CILP2: variants seen among roughly 807,000 people sequenced by gnomAD.
CILP2 encodes the protein cartilage intermediate layer protein 2.
In CILP2, 38 loss-of-function variants were observed where a neutral mutation model predicts 45.6. The ratio of observed to expected loss-of-function variants is 0.83; its 90% confidence interval spans 0.64 to 1.09. CILP2 has a LOEUF of 1.09. CILP2 is among the 50% of genes least tolerant of loss of function. CILP2 has a pLI of 0.00. For synonymous variants in CILP2, 780 were observed against 723.5 expected, an observed-to-expected ratio of 1.08 and a Z score of -1.25; for missense variants, 1,735 against 1,662.2, an observed-to-expected ratio of 1.04 and a Z score of -0.76.
In CILP2 at chr19:19,545,847, C is replaced by G; in HGVS notation, c.3302C>G (p.Thr1101Ser). The G allele has an allele frequency of 6.3e-7, 1 of 1,585,290 alleles. No individual in the cohort carries two copies. Among genetic ancestry groups the G allele is most frequent in the Non-Finnish European group, 8.6e-7 (1 of 1,160,490 alleles). ...AAGGCTGATGCCGGCACAGCCGTCA[C>G]CTTCCAGTGCCGGGAGCCACCGGCC... ...EMKADAGTAV[T>S]FQCREPPAGR... The change falls in exon 8 of 8, where the codon ACC becomes AGC. Residue 1101 changes from threonine to serine, a missense_variant. Coordinates refer to ENST00000291495, the MANE Select transcript of CILP2 (RefSeq NM_153221.2).
At position 19,540,659 on chromosome 19, in the gene CILP2, G is replaced by A; in HGVS notation, c.436+183G>A. 4 of 730,830 alleles carry A rather than the reference G, an allele frequency of 5.5e-6. 1 individual carries two copies. In the East Asian group the frequency reaches 1.3e-4, roughly 24 times the overall value. The allele number at this position is 730,830 out of a possible 1,614,324, so 45.3% of individuals were successfully genotyped here. On this transcript the variant is annotated intron_variant, in intron 3 of 7. Coordinates refer to ENST00000291495, the MANE Select transcript of CILP2 (RefSeq NM_153221.2). ...AGGGGGCGGGGCCAGGCAGGGCGGG[G>A]CTTTTGAAGAGAGGCGCTGGGAACA...
intron 1 of CILP2, 61 bp downstream of exon 1, chr19:19,538,474 C>A: frequency 7.5e-7 from 1 of 1,334,676 alleles, no homozygotes; most frequent in Non-Finnish European, 9.8e-7. Flanking sequence ...GGCAGCCGGC[C>A]TTGGGTGAAG....
rs1383451765 is a variant in CILP2 at position 19,544,362 on chromosome 19, G to A, written c.1817G>A (p.Arg606Gln). ...CCCTACTCGGGGCCTGTGGAGGCCC[G>A]GGTGACGTTCGTGGACCCCCGAGAC... ...GKPYSGPVEA[R>Q]VTFVDPRDLT... Residue 606 changes from arginine (R) to glutamine (Q), a missense_variant, in exon 8 of 8, where the codon CGG becomes CAG. Physicochemically the swap from Arg to Gln is conservative, Grantham distance 43. Coordinates refer to ENST00000291495, the MANE Select transcript of CILP2 (RefSeq NM_153221.2). The A allele has an allele frequency of 9.3e-6, 15 of 1,609,164 alleles. No individual in the cohort carries two copies. Among genetic ancestry groups the A allele is most frequent in the Non-Finnish European group, 6.8e-6 (8 of 1,178,708 alleles).
chr19:19,545,004 C>G lies in CILP2; in HGVS notation c.2459C>G (p.Pro820Arg), dbSNP rs1255343743. 6.2e-7 allele frequency: 1 copy of G among 1,602,134 alleles called. No homozygotes were observed. The highest frequency in any genetic ancestry group is 1.7e-5 in the Admixed American group (1 of 59,686). ...TATLGGEELEPAPSLPRPLPA... is the reference protein window; with the variant it reads ...TATLGGEELERAPSLPRPLPA... ...ACCCTGGGCGGCGAGGAGCTGGAGCCGGCCCCTTCCTTGCCCCGCCCACTC... is the reference window on the plus strand; with the variant it reads ...ACCCTGGGCGGCGAGGAGCTGGAGCGGGCCCCTTCCTTGCCCCGCCCACTC... Residue 820 changes from proline (P) to arginine (R), a missense_variant, in exon 8 of 8, where the codon CCG (proline) becomes CGG (arginine). Transcript: ENST00000291495.
intron 2 of CILP2, 136 bp downstream of exon 2, chr19:19,539,913 G>A: frequency 1.4e-6 from 1 of 740,426 alleles, no homozygotes; most frequent in Non-Finnish European, 2.1e-6. Flanking sequence ...GGACATGACA[G>A]CCCCTGGAGG....
chr19:19,540,659 GC>G lies in CILP2; in HGVS notation c.436+184del, dbSNP rs2061240172. 5.5e-6 allele frequency: 4 copies of G among 730,714 alleles called. No homozygotes were observed. The South Asian group carries it at 1.1e-4, about 19-fold the overall frequency. 45.3% of individuals were successfully genotyped at this position (730,714 alleles called of 1,614,324 possible). On this transcript the variant is annotated intron_variant, in intron 3 of 7. Coordinates refer to ENST00000291495, the MANE Select transcript of CILP2 (RefSeq NM_153221.2). ...AGGGGGCGGGGCCAGGCAGGGCGGG[GC>G]TTTTGAAGAGAGGCGCTGGGAACAG...
In CILP2 at chr19:19,544,488, G is replaced by T; in HGVS notation, c.1943G>T (p.Arg648Leu). Residue 648 changes from arginine (R) to leucine (L), a missense_variant, in exon 8 of 8, where the codon CGT (arginine) becomes CTT (leucine). Physicochemically the swap from Arg to Leu is moderately radical, Grantham distance 102 (BLOSUM62 -2). Transcript: ENST00000291495. Reference sequence around the variant, plus strand: ...TACGGCATGTTCTCCGTGGACCTCCGTGCGCCCGGCTCCGCGGAGCAGCTG... The same window carrying T: ...TACGGCATGTTCTCCGTGGACCTCCTTGCGCCCGGCTCCGCGGAGCAGCTG... ...RTYGMFSVDLRAPGSAEQLQV... is the reference protein window; with the variant it reads ...RTYGMFSVDLLAPGSAEQLQV... 6.2e-7 allele frequency: 1 copy of T among 1,605,766 alleles called. No homozygotes were observed. The highest frequency in any genetic ancestry group is 8.5e-7 in the Non-Finnish European group (1 of 1,178,990).
rs779545782 is a variant in CILP2 at position 19,542,967 on chromosome 19, C to T, written c.972C>T (p.Tyr324=). 1.2e-6 allele frequency: 2 copies of T among 1,605,200 alleles called. No individual in the cohort carries two copies. The highest frequency in any genetic ancestry group is 8.5e-7 in the Non-Finnish European group (1 of 1,172,506). ...CCGGGACCCCCATGCCCAAGAAATA[C>T]TCCTGGTGAGCGCCCGCCCCGGGCT... ...KASGTPMPKK[Y]SWFHNGTLLD... The change falls in exon 6 of 8, where the codon TAC becomes TAT. Residue 324 remains tyrosine, a synonymous_variant. Transcript: ENST00000291495.
rs773140014 is a variant in CILP2 at position 19,538,402 on chromosome 19, C to T, written c.53C>T (p.Ala18Val). The change falls in exon 1 of 8, where the codon GCG becomes GTG. Residue 18 changes from alanine to valine, a missense_variant. Physicochemically the swap from Ala to Val is moderately conservative, Grantham distance 64. Transcript: ENST00000291495. ...CTCTGTGTCGTCGCTGCGCACCTGG[C>T]GGGGGCCCGAGGTGAGGCGCCTCCA... ...LCLCVVAAHL[A>V]GARDATPTEE... 6 of 1,557,724 alleles carry T rather than the reference C, an allele frequency of 3.9e-6. No homozygotes were observed. In the African/African-American group the frequency reaches 4.2e-5, roughly 11 times the overall value.
At chr19:19,539,860 A>G (rs1005511970) in intron 2 of CILP2, 83 bp downstream of exon 2, 1 of 1,134,176 alleles carries the variant, frequency 8.8e-7, no homozygotes, top group Non-Finnish European at 1.2e-6. Flanking sequence ...GTGTGAGGAG[A>G]GGGCACACAC....
Position 19,541,179 on chromosome 19 carries a change from C to A in CILP2, c.525C>A (p.Ser175Arg). 1 of 1,266,960 alleles carries A rather than the reference C, an allele frequency of 7.9e-7. No homozygotes were observed. The highest frequency in any genetic ancestry group is 9.9e-7 in the Non-Finnish European group (1 of 1,005,120). 78.5% of individuals were successfully genotyped at this position (1,266,960 alleles called of 1,614,324 possible). The change falls in exon 4 of 8, where the codon AGC becomes AGA. Residue 175 changes from serine (S) to arginine (R), a missense_variant. By Grantham distance (110) the Ser-to-Arg change is moderately radical. Coordinates refer to ENST00000291495, the MANE Select transcript of CILP2 (RefSeq NM_153221.2). ...GCTTGCGCCGCCGCCACTGCCCAAG[C>A]CCCGCTGGGGATGCGTGTCCCGGGC... Reference protein sequence around the residue: ...GRRLRRRHCPSPAGDACPGRP... With the variant: ...GRRLRRRHCPRPAGDACPGRP...
Position 19,545,612 on chromosome 19 carries a change from G to C in CILP2, c.3067G>C (p.Val1023Leu), listed in dbSNP as rs751155853. Residue 1023 changes from valine to leucine, a missense_variant, in exon 8 of 8, where the codon GTC becomes CTC. Transcript: ENST00000291495. ...MPQGSCRRVAVNGLLRDYLTR... is the reference protein window; with the variant it reads ...MPQGSCRRVALNGLLRDYLTR... ...CCAGGGCAGCTGCCGGCGCGTGGCCGTCAACGGACTCCTTCGGGATTACCT... is the reference window on the plus strand; with the variant it reads ...CCAGGGCAGCTGCCGGCGCGTGGCCCTCAACGGACTCCTTCGGGATTACCT... The C allele has an allele frequency of 6.2e-7, 1 of 1,608,070 alleles. No individual in the cohort carries two copies. The highest frequency in any genetic ancestry group is 1.1e-5 in the South Asian group (1 of 90,646).
At chr19:19,539,865 A>T in intron 2 of CILP2, 88 bp downstream of exon 2, 2 of 1,073,794 alleles carry the variant, frequency 1.9e-6, no homozygotes, top group Non-Finnish European at 2.6e-6. Context: ...AGGAGAGGGC[A>T]CACACTAGAC....
rs780130368 is a variant in CILP2 at position 19,544,345 on chromosome 19, G to A, written c.1800G>A (p.Ser600=). ...AFRRADGKPY[S]GPVEARVTFV... is the part of the protein sequence containing the mutation. ...GCAGAGCCGACGGCAAACCCTACTC[G>A]GGGCCTGTGGAGGCCCGGGTGACGT... The change falls in exon 8 of 8, where the codon TCG becomes TCA. Residue 600 remains serine (S), a synonymous_variant. Coordinates refer to ENST00000291495, the MANE Select transcript of CILP2 (RefSeq NM_153221.2). 1 of 1,611,130 alleles carries A rather than the reference G, an allele frequency of 6.2e-7. No homozygotes were observed. The highest frequency in any genetic ancestry group is 2.2e-5 in the East Asian group (1 of 44,850).
Position 19,543,870 on chromosome 19 carries a change from G to C in CILP2, c.1325G>C (p.Arg442Pro), listed in dbSNP as rs369958476. ...DASSRCCSVR[R>P]LERREIHCPG... is the part of the protein sequence containing the mutation. Reference sequence around the variant, plus strand: ...AGCTCCCGCTGCTGCTCTGTGCGCCGTCTGGAGAGAAGGGAGATTCACTGC... The same window carrying C: ...AGCTCCCGCTGCTGCTCTGTGCGCCCTCTGGAGAGAAGGGAGATTCACTGC... Residue 442 changes from arginine to proline, a missense_variant, in exon 8 of 8, where the codon CGT becomes CCT. Coordinates refer to ENST00000291495, the MANE Select transcript of CILP2 (RefSeq NM_153221.2). 3 of 1,613,878 alleles carry C rather than the reference G, an allele frequency of 1.9e-6. No homozygotes were observed. Among genetic ancestry groups the C allele is most frequent in the Non-Finnish European group, 2.5e-6 (3 of 1,179,862 alleles).
At chr19:19,539,870 C>G (rs2061237434) in intron 2 of CILP2, 93 bp downstream of exon 2, 2 of 1,041,840 alleles carry the variant, frequency 1.9e-6, no homozygotes, top group Non-Finnish European at 2.7e-6. Flanking sequence ...AGGGCACACA[C>G]TAGACGAAGG....
chr19:19,538,524 C>G, intron 1 of CILP2, 111 bp downstream of exon 1: 1 of 834,484 alleles, frequency 1.2e-6, no homozygotes, highest in Non-Finnish European at 1.7e-6. Context: ...ACGCGCTTCC[C>G]CGGGGACTGG....
chr19:19,542,334 T>C (rs370358592), intron 4 of CILP2, 41 bp from the exon 5 acceptor site: 30 of 1,576,946 alleles, frequency 1.9e-5, no homozygotes, highest in Non-Finnish European at 2.5e-5. Context: ...GGAGGGAGTG[T>C]GAAGGTTTCT....
rs1399046828 is a variant in CILP2 at position 19,543,371 on chromosome 19, C to T, written c.1101C>T (p.Ala367=). 13 of 1,613,408 alleles carry T rather than the reference C, an allele frequency of 8.1e-6. No homozygotes were observed. Among genetic ancestry groups the T allele is most frequent in the Admixed American group, 3.3e-5 (2 of 60,032 alleles). ...YHCKAWNEAG[A]VRSGTARLTV... ...GCAAGGCATGGAATGAGGCGGGTGC[C>T]GTGCGCTCGGGCACTGCCCGGCTCA... Residue 367 remains alanine (A), a synonymous_variant, in exon 7 of 8, where the codon GCC becomes GCT. Coordinates refer to ENST00000291495, the MANE Select transcript of CILP2 (RefSeq NM_153221.2).
Sources: gnomAD v4.1 joint callset for allele counts on GRCh38, gnomAD v4.1.1 for gene constraint, MANE v1.5 for transcripts, NCBI Gene and HGNC (gene_info 2026-07-23, HGNC 2026-07-21) for gene names.